Variants in OSBPL5 observed in about 807,000 individuals in gnomAD.
OSBPL5 encodes the protein oxysterol-binding protein-related protein 5.
A neutral mutation model predicts 111.2 loss-of-function variants in OSBPL5; 71 were observed. The observed-to-expected ratio is 0.64, with a 90% CI of 0.53 to 0.78. The LOEUF is 0.78. OSBPL5 is among the 30% of genes least tolerant of loss of function. OSBPL5 has a pLI of 0.00. For synonymous variants in OSBPL5, 549 were observed against 513.9 expected, an observed-to-expected ratio of 1.07 and a Z score of -0.93; for missense variants, 1,210 against 1,189.3, an observed-to-expected ratio of 1.02 and a Z score of -0.26.
chr11:3,103,662 CTGT>C, intron 10 of OSBPL5, among the ~76,000 whole-genome samples: 2 of 147,430 alleles, frequency 1.4e-5, no homozygotes, highest in Admixed American at 6.7e-5. Context: ...CTTCCTGCCT[CTGT>C]TGCCCCCTTC....
intron 7 of OSBPL5, among the ~76,000 whole-genome samples, chr11:3,115,612 T>C (rs1400661800): frequency 6.6e-6 from 1 of 152,228 alleles, no homozygotes; most frequent in Admixed American, 6.5e-5. Flanking sequence ...TCAGTTCCTC[T>C]ATAAATTAAT....
intron 1 of OSBPL5, among the ~76,000 whole-genome samples, chr11:3,138,169 GC>G (rs1846001973): frequency 6.6e-6 from 1 of 152,162 alleles, no homozygotes; most frequent in African/African-American, 2.4e-5. Flanking sequence ...TGGACACCAG[GC>G]CCACTGAAGG....
At chr11:3,102,787 C>G (rs576624590) in intron 11 of OSBPL5, among the ~76,000 whole-genome samples, 197 of 152,316 alleles carry the variant, frequency 1.3e-3, no homozygotes, top group African/African-American at 4.5e-3. Flanking sequence ...GCTGCGGGCC[C>G]TCTTGCTCAC....
chr11:3,137,564 A>G (rs1432220332), intron 1 of OSBPL5, among the ~76,000 whole-genome samples: 1 of 152,228 alleles, frequency 6.6e-6, no homozygotes, highest in African/African-American at 2.4e-5. Context: ...TGTAATCCCA[A>G]CACTTTGGGA....
intron 1 of OSBPL5, among the ~76,000 whole-genome samples, chr11:3,143,045 G>GA (rs1846185080): frequency 1.1e-5 from 1 of 88,470 alleles, no homozygotes; most frequent in African/African-American, 4.1e-5. Context: ...GGGGGCAGAG[G>GA]AGGCAGGTGC....
At chr11:3,102,118 G>GC (rs1344538833) in intron 12 of OSBPL5, 65 bp downstream of exon 12, 7 of 1,156,510 alleles carry the variant, frequency 6.1e-6, no homozygotes, top group African/African-American at 1.5e-5. Flanking sequence ...CCAGGGCCCC[G>GC]CCCCCACAGA....
In OSBPL5 at chr11:3,107,174, C is replaced by A; in HGVS notation, c.1059+89G>T. The A allele has an allele frequency of 6.8e-7, 1 of 1,466,600 alleles. No individual in the cohort carries two copies. Among genetic ancestry groups the A allele is most frequent in the East Asian group, 2.3e-5 (1 of 43,852 alleles). The allele number at this position is 1,466,600 out of a possible 1,614,324, so 90.8% of individuals were successfully genotyped here. A position where few individuals can be genotyped will look rare whatever the true frequency, so the allele number is the denominator to read the frequency against. ...CTACCCCCTGGGCCCTGCGTGCTCC[C>A]CCTAGGATGAGGCATGGCTACCTCT... is the stretch of plus-strand genomic sequence containing the variant. On this transcript the variant is annotated intron_variant, in intron 9 of 21. Transcript: ENST00000263650. The surrounding 1 kb of genome is among the most constrained non-coding windows in gnomAD (Gnocchi z 6.1).
At chr11:3,127,104 C>T (rs1437468951) in intron 2 of OSBPL5, among the ~76,000 whole-genome samples, 8 of 152,182 alleles carry the variant, frequency 5.3e-5, no homozygotes, top group Admixed American at 1.3e-4. Context: ...GGGAAATGGC[C>T]TCCCCTCCCC....
In OSBPL5 at chr11:3,092,642, A is replaced by G; in HGVS notation, c.2133-84T>C. The G allele has an allele frequency of 1.4e-6, 2 of 1,455,658 alleles. No individual in the cohort carries two copies. Among genetic ancestry groups the G allele is most frequent in the East Asian group, 2.5e-5 (1 of 40,000 alleles). The allele number at this position is 1,455,658 out of a possible 1,614,324, so 90.2% of individuals were successfully genotyped here. A position where few individuals can be genotyped will look rare whatever the true frequency, so the allele number is the denominator to read the frequency against. ...TCCTGGCCCAGTCTTCAGCCCCCCA[A>G]CAGTGGCCAGAGACCTCCAGGAGAA... On this transcript the variant is annotated intron_variant, in intron 18 of 21. Transcript: ENST00000263650. The surrounding 1 kb of genome is among the most constrained non-coding windows in gnomAD (Gnocchi z 5.4).
Position 3,142,603 on chromosome 11 carries a change from G to A in OSBPL5, c.-21-13434C>T, listed in dbSNP as rs1045086085. On this transcript the variant is annotated intron_variant, in intron 1 of 21. Transcript: ENST00000263650. This position sits in a 1 kb window ranked among gnomAD's most constrained non-coding sequence, Gnocchi z 7.1. ...CCATCCTACAGGTCTGAGAGTCACC[G>A]TCTCGCGGGTGGAGAGCCTGGGTGG... 4.6e-5 allele frequency among the ~76,000 whole-genome samples: 7 copies of A among 152,214 alleles called. No homozygotes were observed. The highest frequency in any genetic ancestry group is 1.3e-4 in the Admixed American group (2 of 15,288).
intron 6 of OSBPL5, 47 bp downstream of exon 6, chr11:3,120,374 C>T: frequency 2.5e-6 from 4 of 1,573,520 alleles, no homozygotes; most frequent in Non-Finnish European, 3.4e-6. Context: ...GAATGAGCCC[C>T]TTGGCCCTAC....
chr11:3,160,465 A>G (rs1846922679), intron 1 of OSBPL5, among the ~76,000 whole-genome samples: 2 of 152,210 alleles, frequency 1.3e-5, no homozygotes, highest in Admixed American at 6.5e-5. Flanking sequence ...AGGCGGGCAT[A>G]CAAATGCCGT....
At chr11:3,111,990 TGTGC>T (rs1381873364) in intron 7 of OSBPL5, among the ~76,000 whole-genome samples, 11 of 128,900 alleles carry the variant, frequency 8.5e-5, no homozygotes, top group African/African-American at 2.8e-4. Flanking sequence ...CGCGCATGTG[TGTGC>T]ATGTGTGTGT....
rs1227725831 is a variant in OSBPL5, at chr11:3,107,299, G to T, written c.1023C>A (p.Thr341=). The T allele has an allele frequency of 2.5e-6, 4 of 1,613,392 alleles. No homozygotes were observed. The highest frequency in any genetic ancestry group is 2.5e-6 in the Non-Finnish European group (3 of 1,179,928). Reference sequence around the variant, plus strand: ...CCTCCTGGACCTGCTCCACATAGGTGGTCCCTCTCCGCACCGGGGCCCCAG... The same window carrying T: ...CCTCCTGGACCTGCTCCACATAGGTTGTCCCTCTCCGCACCGGGGCCCCAG... The part of the protein sequence containing the change: ...ETPGAPVRRG[T]TYVEQVQEEL... Residue 341 remains threonine, a synonymous_variant, in exon 9 of 22, where the codon ACC becomes ACA. Transcript: ENST00000263650. This position sits in a 1 kb window ranked among gnomAD's most constrained non-coding sequence, Gnocchi z 6.1.
At position 3,101,687 on chromosome 11, in the gene OSBPL5, G is replaced by T. The variant is rs1024366107; in HGVS notation, c.1438C>A (p.Pro480Thr). The change falls in exon 13 of 22, where the codon CCG becomes ACG. Residue 480 changes from proline (P) to threonine (T), a missense_variant. Coordinates refer to ENST00000263650, the MANE Select transcript of OSBPL5 (RefSeq NM_020896.4). ...CTGACGTGGAAGGCAGACACGGGCGGGTGGTGGGACACCTGCGTGCAGGGA... is the reference window on the plus strand; with the variant it reads ...CTGACGTGGAAGGCAGACACGGGCGTGTGGTGGGACACCTGCGTGCAGGGA... ...FYIAEQVSHH[P>T]PVSAFHVSNR... 2.5e-6 allele frequency: 4 copies of T among 1,613,688 alleles called. No individual in the cohort carries two copies. Among genetic ancestry groups the T allele is most frequent in the Non-Finnish European group, 3.4e-6 (4 of 1,179,938 alleles).
intron 1 of OSBPL5, among the ~76,000 whole-genome samples, chr11:3,149,226 G>A (rs913225116): frequency 3.3e-5 from 5 of 152,190 alleles, no homozygotes; most frequent in Admixed American, 6.5e-5. Context: ...ACACCACCAC[G>A]CTGGAAGTCC....
rs1448267605 is a variant in OSBPL5, at chr11:3,130,819, C to T, written c.-21-1650G>A. On this transcript the variant is annotated intron_variant, in intron 1 of 21. Coordinates refer to ENST00000263650, the MANE Select transcript of OSBPL5 (RefSeq NM_020896.4). This position sits in a 1 kb window ranked among gnomAD's most constrained non-coding sequence, Gnocchi z 4.5. ...GAAGCAGGCAGATGGGAAGTCCTGC[C>T]CCTACTTGTCAATCACAACAAACAC... 1.3e-5 allele frequency among the ~76,000 whole-genome samples: 2 copies of T among 152,142 alleles called. No individual in the cohort carries two copies. The highest frequency in any genetic ancestry group is 4.8e-5 in the African/African-American group (2 of 41,422).
chr11:3,090,715 G>A lies in OSBPL5; in HGVS notation c.2260-19C>T. On this transcript the variant is annotated intron_variant, in intron 19 of 21. Transcript: ENST00000263650. ...CAGACCTCTGCAGAGAAATGGAGCTGCTGCAGCTGAAAGCCACCCACGCCC... is the reference window on the plus strand; with the variant it reads ...CAGACCTCTGCAGAGAAATGGAGCTACTGCAGCTGAAAGCCACCCACGCCC... 6.2e-7 allele frequency: 1 copy of A among 1,601,844 alleles called. No individual in the cohort carries two copies.
chr11:3,157,734 A>G (rs897335870), intron 1 of OSBPL5, among the ~76,000 whole-genome samples: 3 of 152,238 alleles, frequency 2.0e-5, no homozygotes, highest in African/African-American at 7.2e-5. Context: ...CACAACAATC[A>G]GATGAGCGAG....
Sources: allele counts gnomAD v4.1 joint callset (sites outside exome capture counted in the v4.1 genomes callset), GRCh38; gene constraint gnomAD v4.1.1; non-coding constraint Gnocchi (gnomAD v3.1); transcripts MANE v1.5; gene names NCBI Gene and HGNC (gene_info 2026-07-23, HGNC 2026-07-21).